DPPA2: variants seen among roughly 807,000 people sequenced by gnomAD.
The protein encoded by DPPA2 is developmental pluripotency-associated protein 2.
In DPPA2, 26 loss-of-function variants were observed where a neutral mutation model predicts 36.2. That is an observed-to-expected ratio of 0.72 (90% confidence interval 0.53 to 1.00). The LOEUF is 1.00. Among genes scored for constraint, DPPA2 ranks in the 50% least tolerant of loss-of-function variants. The probability of loss-of-function intolerance (pLI) is 0.00; values close to 1 mark genes in which losing one functional copy is unlikely to be tolerated. For missense variants in DPPA2, 361 were observed against 365.1 expected (o/e 0.99, Z 0.09); for synonymous variants, 113 against 123.2 (o/e 0.92, Z 0.55).
chr3:109,298,483 G>A (rs1211694268), intron 8 of DPPA2, among the ~76,000 whole-genome samples: 1 of 151,608 alleles, frequency 6.6e-6, no homozygotes, highest in Non-Finnish European at 1.5e-5. Context: ...GGGAGCCCAA[G>A]GCGGGTGAAT....
intron 7 of DPPA2, 31 bp downstream of exon 7, chr3:109,304,444 T>C (rs1324513646): frequency 6.4e-7 from 1 of 1,567,068 alleles, no homozygotes; most frequent in East Asian, 2.3e-5. Context: ...CTTTTCTGTG[T>C]GCCATGCTTA....
intron 8 of DPPA2, among the ~76,000 whole-genome samples, chr3:109,298,442 C>T (rs1473539998): frequency 1.3e-5 from 2 of 151,990 alleles, no homozygotes; most frequent in Non-Finnish European, 2.9e-5. Flanking sequence ...TAGCCGGGCA[C>T]GGTGGCTCAC....
chr3:109,303,043 A>G (rs1707485109), intron 7 of DPPA2, among the ~76,000 whole-genome samples: 1 of 152,168 alleles, frequency 6.6e-6, no homozygotes, highest in African/African-American at 2.4e-5. Context: ...TCATTTCTCA[A>G]TATAAGCTTC....
chr3:109,308,902 C>T, intron 5 of DPPA2, 124 bp downstream of exon 5: 3 of 1,184,198 alleles, frequency 2.5e-6, no homozygotes, highest in Admixed American at 2.1e-5. Flanking sequence ...TCCGAAATAT[C>T]AATAATGCCA....
At chr3:109,300,456 A>T in intron 7 of DPPA2, 21 bp from the exon 8 acceptor site, 1 of 1,612,076 alleles carries the variant, frequency 6.2e-7, no homozygotes, top group Non-Finnish European at 8.5e-7. Flanking sequence ...AGTAGAAAAG[A>T]ACTGTGAAAT....
intron 2 of DPPA2, 142 bp from the exon 3 acceptor site, chr3:109,312,834 T>A (rs1031835536): frequency 3.6e-6 from 4 of 1,114,600 alleles, no homozygotes; most frequent in Non-Finnish European, 5.0e-6. Context: ...TAGAATGTGA[T>A]GTTGATTAGC....
chr3:109,298,871 C>T (rs60496542), intron 8 of DPPA2, among the ~76,000 whole-genome samples: 5 of 151,386 alleles, frequency 3.3e-5, no homozygotes, highest in Admixed American at 6.6e-5. Flanking sequence ...CGGTGAAACC[C>T]GTCCTCTACC....
intron 7 of DPPA2, among the ~76,000 whole-genome samples, chr3:109,303,860 A>G: frequency 6.6e-6 from 1 of 151,988 alleles, no homozygotes; most frequent in South Asian, 2.1e-4. Flanking sequence ...ATTTAGGCAC[A>G]GCACGGTGGC....
At position 109,312,433 on chromosome 3, in the gene DPPA2, G is replaced by A; in HGVS notation, c.181+112C>T. On this transcript the variant is annotated intron_variant, in intron 3 of 8. Coordinates refer to ENST00000478945, the MANE Select transcript of DPPA2 (RefSeq NM_138815.4). ...ATTTCTTAACACAGATTAACAAGGT[G>A]AGATTTAAGCTGGGTGTTGTATAGT... 3.0e-6 allele frequency: 4 copies of A among 1,330,414 alleles called. No homozygotes were observed. The South Asian group carries it at 5.3e-5, about 18-fold the overall frequency. 82.4% of individuals were successfully genotyped at this position (1,330,414 alleles called of 1,614,324 possible).
In DPPA2 at chr3:109,316,284, C is replaced by G. The variant is rs1403708878; in HGVS notation, c.-14G>C. 1 of 152,234 alleles carries G rather than the reference C, an allele frequency of 6.6e-6. No homozygotes were observed. Among genetic ancestry groups the G allele is most frequent in the Non-Finnish European group, 1.5e-5 (1 of 68,382 alleles). 9.4% of individuals were successfully genotyped at this position (152,234 alleles called of 1,614,324 possible). A position where few individuals can be genotyped will look rare whatever the true frequency, so the allele number is the denominator to read the frequency against. ...TTTAAATTTTTTGTAGAGAGGAGACCTGGGATGGAAGGAGATTGCGGGGAC... is the reference window on the plus strand; with the variant it reads ...TTTAAATTTTTTGTAGAGAGGAGACGTGGGATGGAAGGAGATTGCGGGGAC... On this transcript the variant is annotated splice_region_variant and 5_prime_UTR_variant, in exon 1 of 9. Coordinates refer to ENST00000478945, the MANE Select transcript of DPPA2 (RefSeq NM_138815.4).
Position 109,309,013 on chromosome 3 carries a change from A to G in DPPA2, c.396+13T>C, listed in dbSNP as rs1206079174. On this transcript the variant is annotated intron_variant, in intron 5 of 8. Transcript: ENST00000478945. ...GAACCCACCTTCACACCATCAACAC[A>G]CTCATTACTCACTTGCCGTTGTTCA... 1.2e-6 allele frequency: 2 copies of G among 1,613,916 alleles called. No individual in the cohort carries two copies. The highest frequency in any genetic ancestry group is 2.7e-5 in the African/African-American group (2 of 74,896).
At chr3:109,298,936 C>T (rs543273472) in intron 8 of DPPA2, among the ~76,000 whole-genome samples, 1 of 152,104 alleles carries the variant, frequency 6.6e-6, no homozygotes, top group South Asian at 2.1e-4. Context: ...GTCCCAGCTA[C>T]TTGGGAGGCT....
At chr3:109,295,501 C>T (rs1360069050) in intron 8 of DPPA2, 2 of 151,706 alleles carry the variant, frequency 1.3e-5, no homozygotes, top group Non-Finnish European at 2.9e-5. Flanking sequence ...CCACCTCGGC[C>T]TCTCAAAGTG....
At chr3:109,295,092 C>A (rs1424755226) in intron 8 of DPPA2, 1 of 152,092 alleles carries the variant, frequency 6.6e-6, no homozygotes, top group East Asian at 1.9e-4. Flanking sequence ...AAGCTATTGC[C>A]AAATTCAATT....
intron 6 of DPPA2, among the ~76,000 whole-genome samples, chr3:109,307,342 C>T (rs1195706253): frequency 6.6e-6 from 1 of 151,950 alleles, no homozygotes; most frequent in African/African-American, 2.4e-5. Flanking sequence ...TGGCTCACAC[C>T]TGTAATCCCA....
Position 109,312,646 on chromosome 3 carries a change from G to A in DPPA2, c.80C>T (p.Thr27Ile), listed in dbSNP as rs1412267739. The A allele has an allele frequency of 6.2e-7, 1 of 1,613,910 alleles. No homozygotes were observed. Among genetic ancestry groups the A allele is most frequent in the Admixed American group, 1.7e-5 (1 of 60,016 alleles). The stretch of plus-strand genomic sequence containing the variant: ...TGCGTCATCTTTAACTGGCACCAGT[G>A]TCAAAATCACACTTTCCTCATCATC... ...EVDDEESVIL[T>I]LVPVKDDANM... The change falls in exon 3 of 9, where the codon ACA becomes ATA. Residue 27 changes from threonine (T) to isoleucine (I), a missense_variant. Coordinates refer to ENST00000478945, the MANE Select transcript of DPPA2 (RefSeq NM_138815.4).
At position 109,314,426 on chromosome 3, in the gene DPPA2, T is replaced by A. The variant is rs147556711; in HGVS notation, c.33+84A>T. On this transcript the variant is annotated intron_variant, in intron 2 of 8. Transcript: ENST00000478945. ...TCTTACATCCAGGAATGAAGATTTG[T>A]GGTAAAAGAGAAACATAAGGGAGAC... 2.1e-3 allele frequency: 2,840 copies of A among 1,373,202 alleles called. 50 individuals are homozygous for A. The East Asian group carries it at 0.035, about 17-fold the overall frequency. 85.1% of individuals were successfully genotyped at this position (1,373,202 alleles called of 1,614,324 possible). A position where few individuals can be genotyped will look rare whatever the true frequency, so the allele number is the denominator to read the frequency against.
At position 109,308,313 on chromosome 3, in the gene DPPA2, T is replaced by C; in HGVS notation, c.397-20A>G. The C allele has an allele frequency of 3.1e-6, 5 of 1,613,406 alleles. No individual in the cohort carries two copies. The highest frequency in any genetic ancestry group is 4.2e-6 in the Non-Finnish European group (5 of 1,179,692). ...CATATCCTGCAAATGAAATTCACGA[T>C]GAGTATTCAGTAAACCGCTAGGGCT... On this transcript the variant is annotated intron_variant, in intron 5 of 8. Transcript: ENST00000478945.
chr3:109,299,385 C>T lies in DPPA2; in HGVS notation c.*22+986G>A, dbSNP rs142346674. ...ATTAGCCGGGTGTGGTGGCACATGC[C>T]TGTAATCCCAGCTACTCGGGAGGCT... On this transcript the variant is annotated intron_variant, in intron 8 of 8. Coordinates refer to ENST00000478945, the MANE Select transcript of DPPA2 (RefSeq NM_138815.4). Among the ~76,000 whole-genome samples the T allele has an allele frequency of 2.0e-5, 3 of 152,132 alleles. No individual in the cohort carries two copies. In the East Asian group the frequency reaches 5.9e-4, roughly 30 times the overall value.
Sources: gnomAD v4.1 joint callset for allele counts (sites outside exome capture counted in the v4.1 genomes callset) on GRCh38, gnomAD v4.1.1 for gene constraint, MANE v1.5 for transcripts, NCBI Gene and HGNC (gene_info 2026-07-23, HGNC 2026-07-21) for gene names.